Variants in CAMTA1 observed in about 807,000 individuals in gnomAD.
CAMTA1 encodes the protein calmodulin-binding transcription activator 1.
CAMTA1 carries 27 observed loss-of-function variants against 170.9 expected under a neutral mutation model. That is an observed-to-expected ratio of 0.16 (90% confidence interval 0.12 to 0.22). The LOEUF (loss-of-function observed/expected upper bound fraction) is 0.22, where lower values mean the gene tolerates loss of function less well. CAMTA1 is among the 10% of genes least tolerant of loss of function. The pLI is 1.00. For missense variants in CAMTA1, 1,619 were observed against 2,217.2 expected, an observed-to-expected ratio of 0.73 and a Z score of 5.42; for synonymous variants, 833 against 891.5, an observed-to-expected ratio of 0.93 and a Z score of 1.17.
Position 7,733,479 on chromosome 1 carries a change from A to G in CAMTA1, c.3066+880A>G, listed in dbSNP as rs369492382. On this transcript the variant is annotated intron_variant, in intron 12 of 22. Transcript: ENST00000303635. ...TTTCTGTAAGTTCCATAAAGAATGT[A>G]TGATATTGCCAAGTACGAGTAAATT... 2.3e-4 allele frequency among the ~76,000 whole-genome samples: 35 copies of G among 152,228 alleles called. 1 individual carries two copies. The highest frequency in any genetic ancestry group is 2.3e-3 in the Admixed American group (35 of 15,278).
intron 12 of CAMTA1, among the ~76,000 whole-genome samples, chr1:7,735,121 A>T (rs904722377): frequency 6.6e-6 from 1 of 152,212 alleles, no homozygotes; most frequent in African/African-American, 2.4e-5. Flanking sequence ...TTTACTTTAC[A>T]TAAAGGACTG....
intron 21 of CAMTA1, among the ~76,000 whole-genome samples, chr1:7,754,202 A>G (rs1488670983): frequency 6.6e-6 from 1 of 152,250 alleles, no homozygotes; most frequent in Non-Finnish European, 1.5e-5. Context: ...CACTTTGAGC[A>G]GAATCACATC....
At chr1:7,520,564 G>A (rs1204065736) in intron 6 of CAMTA1, among the ~76,000 whole-genome samples, 2 of 151,718 alleles carry the variant, frequency 1.3e-5, no homozygotes, top group Admixed American at 6.6e-5. Context: ...CACAGAGAGG[G>A]AAGAGCACAT....
rs1385974720 is a variant in CAMTA1 at position 6,965,056 on chromosome 1, C to T, written c.235-126248C>T. On this transcript the variant is annotated intron_variant, in intron 3 of 22. Coordinates refer to ENST00000303635, the MANE Select transcript of CAMTA1 (RefSeq NM_015215.4). The surrounding 1 kb of genome is among the most constrained non-coding windows in gnomAD (Gnocchi z 4.1). ...GAGAGGGAGGGTCTTGTCTGGGAGA[C>T]TTGCCTGACCCTCTCTTACTTGGGT... Among the ~76,000 whole-genome samples the T allele has an allele frequency of 1.3e-5, 2 of 152,218 alleles. No homozygotes were observed. The highest frequency in any genetic ancestry group is 2.9e-5 in the Non-Finnish European group (2 of 68,038).
chr1:7,751,398 T>A lies in CAMTA1; in HGVS notation c.4883+6T>A, dbSNP rs1577411802. 4.4e-6 allele frequency: 7 copies of A among 1,577,498 alleles called. No individual in the cohort carries two copies. In the East Asian group the frequency reaches 1.6e-4, roughly 36 times the overall value. On this transcript the variant is annotated splice_donor_region_variant and intron_variant, in intron 20 of 22. Coordinates refer to ENST00000303635, the MANE Select transcript of CAMTA1 (RefSeq NM_015215.4). Reference sequence around the variant, plus strand: ...ATTGTACAACAGAAACTCAGGTGGGTGGAGAAGAGCTCATGGAGGTAAAGC... The same window carrying A: ...ATTGTACAACAGAAACTCAGGTGGGAGGAGAAGAGCTCATGGAGGTAAAGC...
At chr1:7,184,036 G>A (rs572951040) in intron 4 of CAMTA1, among the ~76,000 whole-genome samples, 83 of 152,250 alleles carry the variant, frequency 5.5e-4, no homozygotes, top group Non-Finnish European at 9.6e-4. Flanking sequence ...ACACAATGGC[G>A]CACTATTCAG....
At chr1:7,088,922 C>A (rs1033517339) in intron 3 of CAMTA1, among the ~76,000 whole-genome samples, 2 of 152,214 alleles carry the variant, frequency 1.3e-5, no homozygotes, top group African/African-American at 4.8e-5. Flanking sequence ...AAATGAGAAC[C>A]AATTGACAAA....
At chr1:7,388,814 T>TG (rs973011459) in intron 5 of CAMTA1, among the ~76,000 whole-genome samples, 1 of 152,088 alleles carries the variant, frequency 6.6e-6, no homozygotes, top group Non-Finnish European at 1.5e-5. Context: ...TCCTGTCCCA[T>TG]GGGGGGTTCA....
intron 3 of CAMTA1, among the ~76,000 whole-genome samples, chr1:6,943,363 C>A (rs1687007516): frequency 6.6e-6 from 1 of 151,992 alleles, no homozygotes; most frequent in Non-Finnish European, 1.5e-5. Flanking sequence ...ATTGAGGGTC[C>A]CTGTGGCAGA....
Position 7,525,190 on chromosome 1 carries a change from G to A in CAMTA1, c.510+57289G>A, listed in dbSNP as rs577665465. Reference sequence around the variant, plus strand: ...CTACCATTTTCCTTTTCCAGGAAATGTGTATCCCAGACAGCCCCCAGCACC... The same window carrying A: ...CTACCATTTTCCTTTTCCAGGAAATATGTATCCCAGACAGCCCCCAGCACC... On this transcript the variant is annotated intron_variant, in intron 6 of 22. Coordinates refer to ENST00000303635, the MANE Select transcript of CAMTA1 (RefSeq NM_015215.4). 4.4e-4 allele frequency among the ~76,000 whole-genome samples: 67 copies of A among 152,240 alleles called. 2 individuals carry two copies. The South Asian group carries it at 7.7e-3, about 17-fold the overall frequency.
intron 1 of CAMTA1, among the ~76,000 whole-genome samples, chr1:6,808,890 G>A (rs1187529338): frequency 6.6e-6 from 1 of 152,150 alleles, no homozygotes; most frequent in Non-Finnish European, 1.5e-5. Flanking sequence ...CTGAATGTGG[G>A]CCTTGAGGGA....
chr1:6,816,065 T>C (rs1472856228), intron 1 of CAMTA1, among the ~76,000 whole-genome samples: 1 of 152,160 alleles, frequency 6.6e-6, no homozygotes, highest in Non-Finnish European at 1.5e-5. Flanking sequence ...CCCCAGACAT[T>C]CTGACGTAAT....
At chr1:6,919,469 A>G (rs1170937184) in intron 3 of CAMTA1, among the ~76,000 whole-genome samples, 3 of 152,196 alleles carry the variant, frequency 2.0e-5, no homozygotes, top group Non-Finnish European at 4.4e-5. Flanking sequence ...TTTGTAGAGT[A>G]TATTTTAAGA....
chr1:6,985,440 T>C (rs1344579216), intron 3 of CAMTA1, among the ~76,000 whole-genome samples: 1 of 152,246 alleles, frequency 6.6e-6, no homozygotes, highest in Non-Finnish European at 1.5e-5. Context: ...TATGCACTTT[T>C]ACAATGCAGA....
chr1:7,446,392 A>C (rs1246576142), intron 5 of CAMTA1, among the ~76,000 whole-genome samples: 1 of 152,198 alleles, frequency 6.6e-6, no homozygotes, highest in Admixed American at 6.5e-5. Flanking sequence ...ATTTGATCAC[A>C]AAAGCTGCTT....
chr1:6,984,086 ATGGGTGGG>A, intron 3 of CAMTA1, among the ~76,000 whole-genome samples: 1 of 149,760 alleles, frequency 6.7e-6, no homozygotes. Flanking sequence ...GGATAGATGG[ATGGGTGGG>A]TGGGTGAATA....
chr1:6,852,049 G>T (rs1354999123), intron 3 of CAMTA1, among the ~76,000 whole-genome samples: 1 of 148,920 alleles, frequency 6.7e-6, no homozygotes, highest in Admixed American at 6.7e-5. Flanking sequence ...GAAAAACTAC[G>T]TACTACATTG....
At chr1:6,905,470 C>T (rs1678223126) in intron 3 of CAMTA1, among the ~76,000 whole-genome samples, 1 of 152,108 alleles carries the variant, frequency 6.6e-6, no homozygotes, top group African/African-American at 2.4e-5. Context: ...ATTGGGATTA[C>T]AGGCGCGAGC....
rs114945597 is a variant in CAMTA1, at chr1:7,759,076, A to G, written c.4989+3408A>G. On this transcript the variant is annotated intron_variant, in intron 22 of 22. Transcript: ENST00000303635. ...AGGTGGGAGGATTGCTTGAGCCCAG[A>G]AGGTCGAGGCTACAGTGTGTCATGA... Among the ~76,000 whole-genome samples the G allele has an allele frequency of 4.7e-3, 712 of 152,184 alleles. 1 individual carries two copies. The highest frequency in any genetic ancestry group is 7.7e-3 in the Non-Finnish European group (524 of 67,988).
Sources: allele counts gnomAD v4.1 joint callset (sites outside exome capture counted in the v4.1 genomes callset), GRCh38; gene constraint gnomAD v4.1.1; non-coding constraint Gnocchi (gnomAD v3.1); transcripts MANE v1.5; gene names NCBI Gene and HGNC (gene_info 2026-07-23, HGNC 2026-07-21).